The following PLCXD3 variants were observed in gnomAD, a reference collection of about 807,000 sequenced individuals.
The protein encoded by PLCXD3 is phosphatidylinositol specific phospholipase C X domain containing 3.
Under a neutral mutation model 25.5 loss-of-function variants are expected in PLCXD3, and 19 were observed. That is an observed-to-expected ratio of 0.75 (90% CI 0.52 to 1.09). The LOEUF (loss-of-function observed/expected upper bound fraction) is 1.09. Ranked by LOEUF, PLCXD3 falls within the 50% of genes least tolerant of loss-of-function variation. The pLI is 0.00. For missense variants in PLCXD3, 411 were observed against 388.1 expected (o/e 1.06, Z -0.50); for synonymous variants, 174 against 137.6 (o/e 1.26, Z -1.85).
intron 1 of PLCXD3, among the ~76,000 whole-genome samples, chr5:41,493,234 T>G (rs560275853): frequency 6.6e-6 from 1 of 152,330 alleles, no homozygotes; most frequent in East Asian, 1.9e-4. Context: ...CAGGGGTGGC[T>G]GCAGAACAGC....
chr5:41,365,511 C>T (rs1744907317), intron 2 of PLCXD3, among the ~76,000 whole-genome samples: 1 of 152,158 alleles, frequency 6.6e-6, no homozygotes, highest in African/African-American at 2.4e-5. Context: ...AGGAGATTGT[C>T]CTGTAACTGA....
intron 2 of PLCXD3, among the ~76,000 whole-genome samples, chr5:41,378,262 A>G (rs1167508933): frequency 1.3e-5 from 2 of 152,060 alleles, no homozygotes; most frequent in South Asian, 4.1e-4. Context: ...CCAAACCAAA[A>G]CAAAAAACTG....
chr5:41,465,353 C>CTTTTTTTTTTTTTTTTTTTTTTTT lies in PLCXD3; in HGVS notation c.103+45047_103+45070dup, dbSNP rs58098437. The stretch of plus-strand genomic sequence containing the variant: ...TCCTACTTTCCCCACTAGTTCTTGT[C>CTTTTTTTTTTTTTTTTTTTTTTTT]TTTTTTTTTTTTTTTTTTTTTTTTT... On this transcript the variant is annotated intron_variant, in intron 1 of 2. Coordinates refer to ENST00000377801, the MANE Select transcript of PLCXD3 (RefSeq NM_001005473.3). Among the ~76,000 whole-genome samples the CTTTTTTTTTTTTTTTTTTTTTTTT allele has an allele frequency of 1.1e-3, 14 of 13,234 alleles. 3 individuals carry two copies. Among genetic ancestry groups the CTTTTTTTTTTTTTTTTTTTTTTTT allele is most frequent in the East Asian group, 2.7e-3 (1 of 372 alleles). The allele number at this position is 13,234 out of a possible 152,430, so 8.7% of individuals were successfully genotyped here. A position where few individuals can be genotyped will look rare whatever the true frequency, so the allele number is the denominator to read the frequency against.
intron 1 of PLCXD3, among the ~76,000 whole-genome samples, chr5:41,396,450 G>A (rs1042653716): frequency 6.6e-6 from 1 of 152,158 alleles, no homozygotes; most frequent in Non-Finnish European, 1.5e-5. Context: ...GGAACTGTGA[G>A]TCAATTAAAC....
intron 1 of PLCXD3, among the ~76,000 whole-genome samples, chr5:41,508,289 T>C (rs573731651): frequency 1.3e-5 from 2 of 152,204 alleles, no homozygotes; most frequent in African/African-American, 4.8e-5. Context: ...AAAGGAAAAT[T>C]ACTGTGTTCC....
chr5:41,470,233 A>G (rs932021817), intron 1 of PLCXD3, among the ~76,000 whole-genome samples: 66 of 152,218 alleles, frequency 4.3e-4, no homozygotes, highest in Middle Eastern at 3.2e-3. Flanking sequence ...AGATACATCA[A>G]TGAATATCTG....
At chr5:41,345,683 TACACACAC>T (rs57657516) in intron 2 of PLCXD3, among the ~76,000 whole-genome samples, 511 of 146,130 alleles carry the variant, frequency 3.5e-3, no homozygotes, top group East Asian at 8.9e-3. Context: ...TACATATGTG[TACACACAC>T]ACACACACAC....
chr5:41,481,102 T>TA (rs554092157), intron 1 of PLCXD3, among the ~76,000 whole-genome samples: 23,976 of 73,028 alleles, frequency 0.33, 3,514 homozygotes, highest in East Asian at 0.48. Flanking sequence ...ACCTAATTTG[T>TA]AAAAAAAAAA....
intron 1 of PLCXD3, among the ~76,000 whole-genome samples, chr5:41,423,017 A>G (rs2150506545): frequency 6.6e-6 from 1 of 152,260 alleles, no homozygotes; most frequent in African/African-American, 2.4e-5. Context: ...TTTAAAAAAA[A>G]TTATGAATGG....
At chr5:41,335,254 T>C (rs1477642140) in intron 2 of PLCXD3, among the ~76,000 whole-genome samples, 2 of 152,216 alleles carry the variant, frequency 1.3e-5, no homozygotes, top group East Asian at 3.9e-4. Flanking sequence ...AGAGCTGTGA[T>C]GAAAGGAAGT....
At chr5:41,443,749 T>C (rs1171852259) in intron 1 of PLCXD3, among the ~76,000 whole-genome samples, 1 of 152,112 alleles carries the variant, frequency 6.6e-6, no homozygotes, top group Non-Finnish European at 1.5e-5. Context: ...ATAAAATGAT[T>C]ATCCTTTTTG....
intron 2 of PLCXD3, among the ~76,000 whole-genome samples, chr5:41,358,489 T>C (rs1040286399): frequency 1.3e-5 from 2 of 152,300 alleles, no homozygotes; most frequent in East Asian, 3.9e-4. Flanking sequence ...CAAAGTCCAA[T>C]GTATCATTCT....
intron 2 of PLCXD3, among the ~76,000 whole-genome samples, chr5:41,380,438 C>T (rs948927583): frequency 3.9e-5 from 6 of 152,094 alleles, no homozygotes; most frequent in African/African-American, 1.4e-4. Flanking sequence ...CATCAATCCT[C>T]CAGGCTGCGT....
rs538453170 is a variant in PLCXD3 at position 41,394,220 on chromosome 5, A to T, written c.104-11686T>A. Among the ~76,000 whole-genome samples the T allele has an allele frequency of 9.8e-5, 15 of 152,304 alleles. No homozygotes were observed. In the East Asian group the frequency reaches 2.9e-3, roughly 29 times the overall value. ...TTTATGTAAATTGTATTAAGTTGTT[A>T]TCAGGTTAAAATAATGTTTATAAGA... On this transcript the variant is annotated intron_variant, in intron 1 of 2. Transcript: ENST00000377801.
rs1220953780 is a variant in PLCXD3, at chr5:41,312,178, C to T, written c.*1439G>A. 6.6e-6 allele frequency: 1 copy of T among 152,358 alleles called. No homozygotes were observed. Among genetic ancestry groups the T allele is most frequent in the African/African-American group, 2.4e-5 (1 of 41,354 alleles). The allele number at this position is 152,358 out of a possible 1,614,324, so 9.4% of individuals were successfully genotyped here. On this transcript the variant is annotated 3_prime_UTR_variant, in exon 3 of 3. Transcript: ENST00000377801. ...GCTCAAGCTGTGTCATTGTTCTTCCCTGTAGACCCGGACTATTAAACGTTA... is the reference window on the plus strand; with the variant it reads ...GCTCAAGCTGTGTCATTGTTCTTCCTTGTAGACCCGGACTATTAAACGTTA...
chr5:41,501,042 A>T (rs1000701853), intron 1 of PLCXD3, among the ~76,000 whole-genome samples: 1 of 151,986 alleles, frequency 6.6e-6, no homozygotes, highest in Non-Finnish European at 1.5e-5. Context: ...TTACTATCAA[A>T]AATATATAAA....
At chr5:41,371,673 T>C (rs1013588351) in intron 2 of PLCXD3, among the ~76,000 whole-genome samples, 13 of 152,126 alleles carry the variant, frequency 8.5e-5, no homozygotes, top group Non-Finnish European at 1.8e-4. Context: ...CAACAGATAA[T>C]AAATCCTGCA....
At chr5:41,478,380 A>T (rs1393379029) in intron 1 of PLCXD3, among the ~76,000 whole-genome samples, 1 of 152,238 alleles carries the variant, frequency 6.6e-6, no homozygotes, top group African/African-American at 2.4e-5. Context: ...TTACCAGAAC[A>T]TATAATCATA....
chr5:41,385,017 G>A (rs891650667), intron 1 of PLCXD3, among the ~76,000 whole-genome samples: 5 of 152,050 alleles, frequency 3.3e-5, no homozygotes, highest in African/African-American at 9.7e-5. Flanking sequence ...ATATAATATA[G>A]TGTTGGCTAA....
Sources: gnomAD v4.1 joint callset for allele counts (sites outside exome capture counted in the v4.1 genomes callset) on GRCh38, gnomAD v4.1.1 for gene constraint, MANE v1.5 for transcripts, NCBI Gene and HGNC (gene_info 2026-07-23, HGNC 2026-07-21) for gene names.